Variants in LRMDA observed in about 807,000 individuals in gnomAD.
LRMDA encodes leucine-rich melanocyte differentiation-associated protein.
Under a neutral mutation model 29.8 loss-of-function variants are expected in LRMDA, and 18 were observed. The ratio of observed to expected loss-of-function variants is 0.60; its 90% confidence interval spans 0.42 to 0.90. The LOEUF is 0.90. Ranked by LOEUF, LRMDA falls within the 40% of genes least tolerant of loss-of-function variation. The probability of loss-of-function intolerance (pLI) is 0.00; values close to 1 mark genes in which losing one functional copy is unlikely to be tolerated. For synonymous variants in LRMDA, 125 were observed against 109.4 expected, an observed-to-expected ratio of 1.14 and a Z score of -0.89; for missense variants, 273 against 273.9, an observed-to-expected ratio of 1.00 and a Z score of 0.02.
At chr10:76,001,637 ATAT>A (rs1208241822) in intron 2 of LRMDA, among the ~76,000 whole-genome samples, 18 of 151,630 alleles carry the variant, frequency 1.2e-4, no homozygotes, top group African/African-American at 2.2e-4. Context: ...TTCATTTATT[ATAT>A]TATTATTTAT....
rs755311937 is a variant in LRMDA, at chr10:76,116,136, TTG to T, written c.516+57356_516+57357del. ...CCTGTGCCTGTGTAAGCATGAGTGT[TTG>T]TGCAGGTACACTAGGACAAGTGCTC... On this transcript the variant is annotated intron_variant, in intron 5 of 6. Transcript: ENST00000611255. Among the ~76,000 whole-genome samples the T allele has an allele frequency of 2.8e-4, 43 of 152,230 alleles. 1 individual carries two copies. Among genetic ancestry groups the T allele is most frequent in the Admixed American group, 9.8e-4 (15 of 15,302 alleles).
chr10:75,718,221 T>C (rs746020959), intron 2 of LRMDA, among the ~76,000 whole-genome samples: 1 of 152,200 alleles, frequency 6.6e-6, no homozygotes, highest in Non-Finnish European at 1.5e-5. Flanking sequence ...GCTCACAGTT[T>C]GTGGATTGGC....
chr10:76,469,647 AG>A (rs1180421406), intron 6 of LRMDA, among the ~76,000 whole-genome samples: 1 of 152,132 alleles, frequency 6.6e-6, no homozygotes, highest in Non-Finnish European at 1.5e-5. Flanking sequence ...TTCAAGGCTA[AG>A]GGTACTTTCT....
intron 5 of LRMDA, among the ~76,000 whole-genome samples, chr10:76,244,824 G>A (rs1852345518): frequency 1.3e-5 from 2 of 152,200 alleles, no homozygotes; most frequent in South Asian, 4.1e-4. Flanking sequence ...GGAATTTAGA[G>A]CATGGCTGAT....
chr10:75,609,273 A>T (rs531005662), intron 2 of LRMDA, among the ~76,000 whole-genome samples: 1 of 152,288 alleles, frequency 6.6e-6, no homozygotes, highest in East Asian at 1.9e-4. Context: ...GGGCTTTGTA[A>T]AGACACCCAC....
At chr10:76,451,679 CAG>C (rs1262393497) in intron 6 of LRMDA, among the ~76,000 whole-genome samples, 1 of 134,206 alleles carries the variant, frequency 7.5e-6, no homozygotes, top group Non-Finnish European at 1.6e-5. Context: ...GGGTGGTGGA[CAG>C]AGTTTCAATC....
chr10:75,797,937 G>A (rs924185093), intron 2 of LRMDA, among the ~76,000 whole-genome samples: 1 of 152,134 alleles, frequency 6.6e-6, no homozygotes, highest in South Asian at 2.1e-4. Context: ...TATGCCATCA[G>A]TATATGAAGA....
chr10:75,953,024 G>A (rs1006186424), intron 2 of LRMDA, among the ~76,000 whole-genome samples: 3 of 151,954 alleles, frequency 2.0e-5, no homozygotes, highest in Non-Finnish European at 2.9e-5. Flanking sequence ...CAAAGTTCTG[G>A]GATTATAGGT....
Position 76,558,614 on chromosome 10 carries a change from G to GTAT in LRMDA, c.*1329_*1331dup, listed in dbSNP as rs1209272197. On this transcript the variant is annotated 3_prime_UTR_variant, in exon 7 of 7. Transcript: ENST00000611255. The stretch of plus-strand genomic sequence containing the variant: ...AGACCAAGTGTTCATTGTCCTCCCA[G>GTAT]TATTAGGTCAGTTTGATGACAGCAA... 1 of 152,204 alleles carries GTAT rather than the reference G, an allele frequency of 6.6e-6. No individual in the cohort carries two copies. The highest frequency in any genetic ancestry group is 1.5e-5 in the Non-Finnish European group (1 of 68,040). The allele number at this position is 152,204 out of a possible 1,614,324, so 9.4% of individuals were successfully genotyped here. A position where few individuals can be genotyped will look rare whatever the true frequency, so the allele number is the denominator to read the frequency against.
intron 2 of LRMDA, among the ~76,000 whole-genome samples, chr10:75,717,606 G>T (rs1355656876): frequency 6.6e-6 from 1 of 152,178 alleles, no homozygotes; most frequent in African/African-American, 2.4e-5. Flanking sequence ...GGCAAGGAGG[G>T]TGATGAGTGG....
chr10:76,307,492 T>G (rs541166520), intron 5 of LRMDA, among the ~76,000 whole-genome samples: 229 of 152,304 alleles, frequency 1.5e-3, no homozygotes, highest in Non-Finnish European at 2.5e-3. Flanking sequence ...CACTGTATTC[T>G]GGGATAGACC....
chr10:75,692,227 T>A (rs942452398), intron 2 of LRMDA, among the ~76,000 whole-genome samples: 1,566 of 119,018 alleles, frequency 0.013, 27 homozygotes, highest in Admixed American at 0.038. Flanking sequence ...AAAATATATA[T>A]ATATATATAT....
At chr10:76,113,806 C>T (rs895424523) in intron 5 of LRMDA, among the ~76,000 whole-genome samples, 6 of 152,182 alleles carry the variant, frequency 3.9e-5, no homozygotes, top group African/African-American at 1.4e-4. Context: ...GTCTGCTCGC[C>T]ATGGCAACCT....
intron 2 of LRMDA, among the ~76,000 whole-genome samples, chr10:75,556,716 A>AAGGCT (rs71024549): frequency 6.7e-6 from 1 of 150,148 alleles, no homozygotes; most frequent in East Asian, 2.0e-4. Flanking sequence ...CTGAAGCATA[A>AAGGCT]GGGGTGGGGT....
intron 5 of LRMDA, among the ~76,000 whole-genome samples, chr10:76,271,835 G>A (rs1183399843): frequency 1.3e-5 from 2 of 152,052 alleles, no homozygotes; most frequent in African/African-American, 2.4e-5. Flanking sequence ...ACTTCCCCTC[G>A]CCTTCTTGTG....
chr10:76,548,736 C>A (rs991319376), intron 6 of LRMDA, among the ~76,000 whole-genome samples: 13 of 152,094 alleles, frequency 8.5e-5, no homozygotes, highest in Non-Finnish European at 1.8e-4. Context: ...TTACTACCCC[C>A]AATCCAAAAA....
intron 6 of LRMDA, among the ~76,000 whole-genome samples, chr10:76,339,902 T>C (rs1226585778): frequency 6.6e-6 from 1 of 152,086 alleles, no homozygotes; most frequent in Admixed American, 6.5e-5. Context: ...TCTTTTATAA[T>C]TTATTCCAGA....
At chr10:76,504,335 C>T (rs1452565446) in intron 6 of LRMDA, among the ~76,000 whole-genome samples, 1 of 151,926 alleles carries the variant, frequency 6.6e-6, no homozygotes, top group Non-Finnish European at 1.5e-5. Flanking sequence ...CTTTAAATGT[C>T]TATTGGGTCC....
chr10:75,480,997 T>C (rs2132052846), intron 2 of LRMDA, among the ~76,000 whole-genome samples: 1 of 152,162 alleles, frequency 6.6e-6, no homozygotes, highest in Admixed American at 6.5e-5. Context: ...AAGGGGAAGC[T>C]GGGGAGGAAC....
Sources: allele counts gnomAD v4.1 joint callset (sites outside exome capture counted in the v4.1 genomes callset), GRCh38; gene constraint gnomAD v4.1.1; transcripts MANE v1.5; gene names NCBI Gene and HGNC (gene_info 2026-07-23, HGNC 2026-07-21).